SIPA1L2: variants seen among roughly 807,000 people sequenced by gnomAD.
SIPA1L2 encodes signal induced proliferation associated 1 like 2.
In SIPA1L2, 56 loss-of-function variants were observed where a neutral mutation model predicts 163.9. That is an observed-to-expected ratio of 0.34 (90% confidence interval 0.28 to 0.43). The LOEUF (loss-of-function observed/expected upper bound fraction) is 0.43, where lower values mean the gene tolerates loss of function less well. SIPA1L2 is among the 20% of genes least tolerant of loss of function. SIPA1L2 has a pLI of 1.00. For synonymous variants in SIPA1L2, 877 were observed against 865.7 expected, an observed-to-expected ratio of 1.01 and a Z score of -0.23; for missense variants, 1,974 against 2,193.5, an observed-to-expected ratio of 0.90 and a Z score of 2.00.
At chr1:232,522,494 T>C (rs1667500586) in intron 2 of SIPA1L2, among the ~76,000 whole-genome samples, 3 of 95,380 alleles carry the variant, frequency 3.1e-5, no homozygotes, top group Non-Finnish European at 6.6e-5. Context: ...CCCCATAGCA[T>C]TGTGCCTTTT....
At chr1:232,441,985 G>C (rs1393543973) in intron 12 of SIPA1L2, 117 bp from the exon 13 acceptor site, 1 of 758,456 alleles carries the variant, frequency 1.3e-6, no homozygotes, top group Non-Finnish European at 2.1e-6. Context: ...CCAGGAGCTG[G>C]TTTTCTGGCA....
chr1:232,411,254 G>T (rs1403277380), intron 19 of SIPA1L2, among the ~76,000 whole-genome samples: 1 of 152,196 alleles, frequency 6.6e-6, no homozygotes, highest in Admixed American at 6.5e-5. Context: ...GGCTGGCCTG[G>T]TTTGCATTAT....
intron 5 of SIPA1L2, among the ~76,000 whole-genome samples, chr1:232,485,698 T>C (rs1448131825): frequency 2.0e-5 from 3 of 152,244 alleles, no homozygotes; most frequent in Admixed American, 6.5e-5. Context: ...TTGGAATCTA[T>C]ATGAATACTA....
chr1:232,531,790 C>T (rs1345955775), intron 2 of SIPA1L2, among the ~76,000 whole-genome samples: 5 of 151,838 alleles, frequency 3.3e-5, no homozygotes, highest in Admixed American at 6.6e-5. Flanking sequence ...CCGGTATGGG[C>T]GTTAACGGAA....
intron 10 of SIPA1L2, among the ~76,000 whole-genome samples, chr1:232,450,905 G>C (rs1043816332): frequency 3.3e-5 from 5 of 152,182 alleles, no homozygotes; most frequent in Non-Finnish European, 7.3e-5. Flanking sequence ...GTTGAAGAGA[G>C]AATCTGGGTG....
chr1:232,528,103 A>ATATCG lies in SIPA1L2; in HGVS notation c.-269-12496_-269-12495insCGATA, dbSNP rs1558246735. 2.7e-3 allele frequency among the ~76,000 whole-genome samples: 142 copies of ATATCG among 51,740 alleles called. 6 individuals are homozygous for ATATCG. The highest frequency in any genetic ancestry group is 9.7e-3 in the African/African-American group (124 of 12,802). The allele number at this position is 51,740 out of a possible 152,430, so 33.9% of individuals were successfully genotyped here. The stretch of plus-strand genomic sequence containing the variant: ...TTATATATATATATATATATATATA[A>ATATCG]TCAACTTTCTAAAAACCACAGGTAG... On this transcript the variant is annotated intron_variant, in intron 2 of 22. Coordinates refer to ENST00000674635, the MANE Select transcript of SIPA1L2 (RefSeq NM_020808.5).
At chr1:232,572,690 CAT>C (rs1558277143) in intron 2 of SIPA1L2, among the ~76,000 whole-genome samples, 1,085 of 51,158 alleles carry the variant, frequency 0.021, 22 homozygotes, top group African/African-American at 0.09. Context: ...CACACATATA[CAT>C]ACATATATAT....
intron 15 of SIPA1L2, among the ~76,000 whole-genome samples, chr1:232,436,164 C>T (rs901781361): frequency 7.9e-5 from 12 of 152,184 alleles, no homozygotes; most frequent in African/African-American, 2.9e-4. Flanking sequence ...AAGCATTTAT[C>T]AAGCACTTTT....
chr1:232,435,533 C>T (rs1325584853), intron 15 of SIPA1L2, among the ~76,000 whole-genome samples: 1 of 152,114 alleles, frequency 6.6e-6, no homozygotes, highest in Non-Finnish European at 1.5e-5. Flanking sequence ...TGCTGACGTC[C>T]AGTCATTTGT....
At chr1:232,521,871 G>A (rs908770978) in intron 2 of SIPA1L2, among the ~76,000 whole-genome samples, 1 of 152,040 alleles carries the variant, frequency 6.6e-6, no homozygotes, top group African/African-American at 2.4e-5. Context: ...CCATCTCTAT[G>A]CTGATGACTC....
At position 232,514,777 on chromosome 1, in the gene SIPA1L2, A is replaced by G. The variant is rs1457683407; in HGVS notation, c.563T>C (p.Leu188Pro). 6.2e-7 allele frequency: 1 copy of G among 1,614,084 alleles called. No individual in the cohort carries two copies. ...NAVNPNTGAA[L>P]HREYGSTSSI... ...TGAAGTACTTCCATACTCCCTGTGC[A>G]GGGCAGCCCCGGTGTTGGGGTTGAC... Residue 188 changes from leucine (L) to proline (P), a missense_variant, in exon 3 of 23, where the codon CTG (leucine) becomes CCG (proline). This residue lies in a region of SIPA1L2 where 607 missense variants were observed against 624.0 expected (regional missense o/e 0.97). Transcript: ENST00000674635.
chr1:232,406,474 A>T (rs1185351140), intron 19 of SIPA1L2, among the ~76,000 whole-genome samples: 1 of 152,278 alleles, frequency 6.6e-6, no homozygotes. Context: ...ACACTAAACA[A>T]GATGAATAGT....
intron 8 of SIPA1L2, among the ~76,000 whole-genome samples, chr1:232,469,510 A>T (rs1215112301): frequency 6.6e-6 from 1 of 152,192 alleles, no homozygotes; most frequent in Non-Finnish European, 1.5e-5. Context: ...TCTTCAAGAA[A>T]TACTAGTGAT....
At chr1:232,599,821 G>C (rs941143971) in intron 1 of SIPA1L2, among the ~76,000 whole-genome samples, 4 of 152,238 alleles carry the variant, frequency 2.6e-5, no homozygotes, top group Non-Finnish European at 5.9e-5. Flanking sequence ...AACACAATCT[G>C]TCTGCTCTGC....
intron 2 of SIPA1L2, among the ~76,000 whole-genome samples, chr1:232,538,482 C>A (rs1037172552): frequency 6.6e-6 from 1 of 152,192 alleles, no homozygotes; most frequent in Admixed American, 6.5e-5. Flanking sequence ...GGCACTCACT[C>A]TGTATGGCAC....
chr1:232,559,080 T>C (rs1415786303), intron 2 of SIPA1L2, among the ~76,000 whole-genome samples: 1 of 152,140 alleles, frequency 6.6e-6, no homozygotes, highest in Non-Finnish European at 1.5e-5. Context: ...ATCTCAATTA[T>C]GTAAAGTAGA....
intron 20 of SIPA1L2, 131 bp downstream of exon 20, chr1:232,403,994 G>A (rs1345826095): frequency 3.1e-6 from 3 of 967,756 alleles, no homozygotes; most frequent in Non-Finnish European, 4.8e-6. Context: ...AGACAGAACA[G>A]CCAGGACACA....
Position 232,447,573 on chromosome 1 carries a change from C to T in SIPA1L2, c.3096-1787G>A, listed in dbSNP as rs922852312. Reference sequence around the variant, plus strand: ...GTGGTCCCTCACCACTGAAGGAAGGCACCTTTCTGACACAAGCCATGCAAG... The same window carrying T: ...GTGGTCCCTCACCACTGAAGGAAGGTACCTTTCTGACACAAGCCATGCAAG... On this transcript the variant is annotated intron_variant, in intron 10 of 22. Transcript: ENST00000674635. 7.9e-5 allele frequency among the ~76,000 whole-genome samples: 12 copies of T among 152,364 alleles called. 1 individual carries two copies. Among genetic ancestry groups the T allele is most frequent in the African/African-American group, 2.9e-4 (12 of 41,588 alleles).
At chr1:232,467,174 G>A (rs1664565231) in intron 8 of SIPA1L2, among the ~76,000 whole-genome samples, 1 of 152,220 alleles carries the variant, frequency 6.6e-6, no homozygotes, top group South Asian at 2.1e-4. Flanking sequence ...GTAGCGGCAA[G>A]ACAGACAGGT....
Sources: gnomAD v4.1 joint callset for allele counts (sites outside exome capture counted in the v4.1 genomes callset) on GRCh38, gnomAD v4.1.1 for gene constraint, gnomAD v4.1.1 regional missense constraint, MANE v1.5 for transcripts, NCBI Gene and HGNC (gene_info 2026-07-23, HGNC 2026-07-21) for gene names.